The following MAGI2 variants were observed in gnomAD, a reference collection of about 807,000 sequenced individuals.
MAGI2 encodes membrane associated guanylate kinase, WW and PDZ domain containing 2, also known as membrane-associated guanylate kinase, WW and PDZ domain-containing protein 2.
Under a neutral mutation model 133.3 loss-of-function variants are expected in MAGI2, and 35 were observed. That is an observed-to-expected ratio of 0.26 (90% CI 0.20 to 0.35). The LOEUF is 0.35. Among genes scored for constraint, MAGI2 ranks in the 10% least tolerant of loss-of-function variants. The probability of loss-of-function intolerance (pLI) is 1.00; values close to 1 mark genes in which losing one functional copy is unlikely to be tolerated. For synonymous variants in MAGI2, 729 were observed against 710.6 expected (o/e 1.03, Z -0.41); for missense variants, 1,636 against 1,863.4 (o/e 0.88, Z 2.25).
At chr7:79,335,371 A>T (rs1033218786) in intron 1 of MAGI2, among the ~76,000 whole-genome samples, 4 of 152,070 alleles carry the variant, frequency 2.6e-5, no homozygotes, top group Admixed American at 6.6e-5. Flanking sequence ...CTGTGATATG[A>T]GTGGCATTTT....
chr7:78,556,936 A>T (rs1563165199), intron 3 of MAGI2, among the ~76,000 whole-genome samples: 2 of 151,756 alleles, frequency 1.3e-5, no homozygotes, highest in Non-Finnish European at 2.9e-5. Flanking sequence ...AAAATAAAAA[A>T]AAAAATTAGC....
At chr7:78,560,787 A>G (rs75417515) in intron 3 of MAGI2, among the ~76,000 whole-genome samples, 8 of 152,304 alleles carry the variant, frequency 5.3e-5, no homozygotes, top group African/African-American at 1.9e-4. Context: ...CTGCTCTTAT[A>G]AAGCTGGATT....
intron 20 of MAGI2, among the ~76,000 whole-genome samples, chr7:78,093,488 A>G (rs902633620): frequency 6.6e-6 from 1 of 152,150 alleles, no homozygotes; most frequent in Non-Finnish European, 1.5e-5. Context: ...AAAGACCACA[A>G]TTACTTTTAC....
chr7:78,675,281 T>A (rs978883425), intron 2 of MAGI2, among the ~76,000 whole-genome samples: 1 of 150,312 alleles, frequency 6.7e-6, no homozygotes, highest in South Asian at 2.1e-4. Context: ...GTTGTTGATG[T>A]ATTGTGTGTT....
At chr7:79,271,809 C>G (rs1834900759) in intron 1 of MAGI2, among the ~76,000 whole-genome samples, 1 of 151,768 alleles carries the variant, frequency 6.6e-6, no homozygotes, top group Non-Finnish European at 1.5e-5. Flanking sequence ...GATTAACAAA[C>G]TTGACTCTTT....
At chr7:78,910,792 CA>C (rs1798346315) in intron 2 of MAGI2, among the ~76,000 whole-genome samples, 1 of 152,176 alleles carries the variant, frequency 6.6e-6, no homozygotes, top group Non-Finnish European at 1.5e-5. Context: ...TCTAGTTCCT[CA>C]GGGAAAGGTT....
chr7:78,503,832 C>G (rs563496896), intron 4 of MAGI2, among the ~76,000 whole-genome samples: 133 of 151,312 alleles, frequency 8.8e-4, no homozygotes, highest in African/African-American at 3.1e-3. Flanking sequence ...ATCCTGTGAA[C>G]AAGGTGCCTG....
intron 2 of MAGI2, among the ~76,000 whole-genome samples, chr7:78,898,708 G>A (rs896029361): frequency 1.3e-5 from 2 of 152,054 alleles, no homozygotes; most frequent in Non-Finnish European, 2.9e-5. Flanking sequence ...TGGATACTAG[G>A]CTTAATATCC....
intron 1 of MAGI2, among the ~76,000 whole-genome samples, chr7:79,148,461 TA>T (rs1822863243): frequency 1.3e-5 from 2 of 152,218 alleles, no homozygotes; most frequent in Non-Finnish European, 2.9e-5. Flanking sequence ...TCTCAGCATT[TA>T]ACCATTCTGT....
intron 6 of MAGI2, among the ~76,000 whole-genome samples, chr7:78,461,700 T>C (rs1480776291): frequency 6.6e-6 from 1 of 150,942 alleles, no homozygotes; most frequent in Non-Finnish European, 1.5e-5. Context: ...TCACCTGAGG[T>C]CGGGAGTCCG....
intron 2 of MAGI2, among the ~76,000 whole-genome samples, chr7:78,813,133 G>GA (rs563493975): frequency 3.9e-5 from 6 of 151,998 alleles, no homozygotes; most frequent in Admixed American, 6.6e-5. Flanking sequence ...AAATATTTTA[G>GA]AAAAAATAAC....
chr7:78,689,452 A>G (rs1234558701), intron 2 of MAGI2, among the ~76,000 whole-genome samples: 1 of 152,184 alleles, frequency 6.6e-6, no homozygotes, highest in Non-Finnish European at 1.5e-5. Flanking sequence ...AAATGCTCCA[A>G]GTTTGATTTG....
chr7:78,514,078 A>G, intron 4 of MAGI2, among the ~76,000 whole-genome samples: 1 of 128,422 alleles, frequency 7.8e-6, no homozygotes, highest in Admixed American at 8.1e-5. Context: ...ACAAGAGTGA[A>G]ACTGTCTCAA....
intron 1 of MAGI2, among the ~76,000 whole-genome samples, chr7:79,366,007 C>T (rs369245927): frequency 6.0e-5 from 9 of 150,838 alleles, no homozygotes; most frequent in Admixed American, 4.0e-4. Context: ...GTTGGGAAGC[C>T]GACACAGGAG....
chr7:78,193,961 A>G (rs1191424132), intron 12 of MAGI2, among the ~76,000 whole-genome samples: 2 of 152,208 alleles, frequency 1.3e-5, no homozygotes, highest in Non-Finnish European at 2.9e-5. Context: ...GAGTAAGCAG[A>G]TTTGAGATCC....
chr7:78,162,533 AAAAC>A (rs201448328), intron 15 of MAGI2, among the ~76,000 whole-genome samples: 12,721 of 147,208 alleles, frequency 0.086, 732 homozygotes, highest in East Asian at 0.16. Context: ...TCAAAAAAAA[AAAAC>A]AAAAAACAAA....
rs1409030247 is a variant in MAGI2 at position 78,195,331 on chromosome 7, C to T, written c.2080-268G>A. Among the ~76,000 whole-genome samples, 4 of 152,182 alleles carry T rather than the reference C, an allele frequency of 2.6e-5. No homozygotes were observed. In the East Asian group the frequency reaches 7.7e-4, roughly 29 times the overall value. On this transcript the variant is annotated intron_variant, in intron 11 of 21. Transcript: ENST00000354212. ...TCAACAATTAGCCAGTAATCTTTGG[C>T]AAACCACTTAATTTCTCTGTTTTTT...
chr7:78,899,811 C>T (rs886852035), intron 2 of MAGI2, among the ~76,000 whole-genome samples: 2 of 152,160 alleles, frequency 1.3e-5, no homozygotes, highest in African/African-American at 2.4e-5. Flanking sequence ...TAATCCATCA[C>T]ACCATAACTG....
intron 2 of MAGI2, among the ~76,000 whole-genome samples, chr7:79,003,616 A>G (rs541269764): frequency 1.3e-5 from 2 of 152,318 alleles, no homozygotes; most frequent in African/African-American, 4.8e-5. Flanking sequence ...ACTCAATACC[A>G]ACAGATATGC....
Sources: gnomAD v4.1 joint callset for allele counts (sites outside exome capture counted in the v4.1 genomes callset) on GRCh38, gnomAD v4.1.1 for gene constraint, MANE v1.5 for transcripts, NCBI Gene and HGNC (gene_info 2026-07-23, HGNC 2026-07-21) for gene names.